The following CSMD1 variants were observed in gnomAD, a reference collection of about 807,000 sequenced individuals.
CSMD1 encodes CUB and Sushi multiple domains 1, also known as CUB and sushi domain-containing protein 1.
In CSMD1, 213 loss-of-function variants were observed where a neutral mutation model predicts 417.5. The ratio of observed to expected loss-of-function variants is 0.51; its 90% CI spans 0.46 to 0.57. The LOEUF is 0.57. Among genes scored for constraint, CSMD1 ranks in the 20% least tolerant of loss-of-function variants. The pLI is 0.00. For missense variants in CSMD1, 6,923 were observed against 4,529.7 expected, an observed-to-expected ratio of 1.53 and a Z score of -15.17; for synonymous variants, 2,862 against 1,736.8, an observed-to-expected ratio of 1.65 and a Z score of -16.11.
intron 1 of CSMD1, among the ~76,000 whole-genome samples, chr8:4,777,442 T>A (rs1227968547): frequency 6.6e-6 from 1 of 152,132 alleles, no homozygotes; most frequent in Non-Finnish European, 1.5e-5. Flanking sequence ...AGGTCACAAT[T>A]GTTAGGGACA....
At chr8:4,271,649 G>T (rs975190693) in intron 3 of CSMD1, among the ~76,000 whole-genome samples, 1 of 151,828 alleles carries the variant, frequency 6.6e-6, no homozygotes, top group Non-Finnish European at 1.5e-5. Context: ...GAAAAGAAAA[G>T]AAATGGTAAA....
intron 1 of CSMD1, among the ~76,000 whole-genome samples, chr8:4,694,830 A>C (rs1309681346): frequency 6.6e-6 from 1 of 152,046 alleles, no homozygotes; most frequent in East Asian, 1.9e-4. Context: ...ATTGACCGAG[A>C]CCTGTCTCAG....
intron 3 of CSMD1, among the ~76,000 whole-genome samples, chr8:4,251,975 G>C (rs75858810): frequency 1.3e-5 from 2 of 151,900 alleles, no homozygotes; most frequent in African/African-American, 2.4e-5. Flanking sequence ...TGGAGGTAAG[G>C]AGAAAACAGA....
chr8:4,922,195 T>A lies in CSMD1; in HGVS notation c.85+72137A>T, dbSNP rs111529750. On this transcript the variant is annotated intron_variant, in intron 1 of 69. Coordinates refer to ENST00000635120, the MANE Select transcript of CSMD1 (RefSeq NM_033225.6). ...GAAGTACTGCCTGTGTGTGCGAGTGTGTGCGTGCATGTCTGTCTGTGTTTT... is the reference window on the plus strand; with the variant it reads ...GAAGTACTGCCTGTGTGTGCGAGTGAGTGCGTGCATGTCTGTCTGTGTTTT... 9.7e-3 allele frequency among the ~76,000 whole-genome samples: 1,483 copies of A among 152,166 alleles called. 14 individuals are homozygous for A. The highest frequency in any genetic ancestry group is 0.017 in the Middle Eastern group (5 of 290).
At chr8:4,445,591 A>C (rs1563181646) in intron 2 of CSMD1, among the ~76,000 whole-genome samples, 1 of 152,142 alleles carries the variant, frequency 6.6e-6, no homozygotes. Flanking sequence ...CTGGTGTTTA[A>C]GAAAGAACTG....
intron 1 of CSMD1, among the ~76,000 whole-genome samples, chr8:4,679,088 C>G (rs774910886): frequency 6.6e-6 from 1 of 152,196 alleles, no homozygotes; most frequent in African/African-American, 2.4e-5. Flanking sequence ...CAGGTAGCCT[C>G]ACATCTGGTC....
chr8:3,763,260 C>T lies in CSMD1; in HGVS notation c.819-9218G>A, dbSNP rs117437236. 5.0e-4 allele frequency among the ~76,000 whole-genome samples: 76 copies of T among 152,202 alleles called. No homozygotes were observed. The East Asian group carries it at 0.013, about 26-fold the overall frequency. ...GATGCCAGCTAGGGTGCTTATACTT[C>T]GGATATTTTGTCTCCTCCAAATCTC... On this transcript the variant is annotated intron_variant, in intron 5 of 69. Transcript: ENST00000635120.
At chr8:3,316,546 G>C (rs945895710) in intron 23 of CSMD1, among the ~76,000 whole-genome samples, 4 of 151,798 alleles carry the variant, frequency 2.6e-5, no homozygotes, top group Non-Finnish European at 4.4e-5. Flanking sequence ...GAGAGGGTTT[G>C]AGCAGGTCTA....
intron 5 of CSMD1, among the ~76,000 whole-genome samples, chr8:3,913,174 G>C (rs1808575797): frequency 6.6e-6 from 1 of 152,096 alleles, no homozygotes; most frequent in Non-Finnish European, 1.5e-5. Flanking sequence ...GGGAGATGTT[G>C]AGTTGAGAAC....
chr8:4,183,098 A>G (rs968309447), intron 3 of CSMD1, among the ~76,000 whole-genome samples: 1 of 152,152 alleles, frequency 6.6e-6, no homozygotes, highest in Non-Finnish European at 1.5e-5. Context: ...GCGACACCCT[A>G]TATACAGAGA....
At chr8:3,766,462 T>C (rs932208064) in intron 5 of CSMD1, among the ~76,000 whole-genome samples, 2 of 152,174 alleles carry the variant, frequency 1.3e-5, no homozygotes, top group South Asian at 2.1e-4. Flanking sequence ...GACAGGCCTC[T>C]CAGGCTTGCC....
At chr8:4,466,795 T>A (rs1003703572) in intron 2 of CSMD1, among the ~76,000 whole-genome samples, 14 of 152,050 alleles carry the variant, frequency 9.2e-5, no homozygotes, top group African/African-American at 1.7e-4. Flanking sequence ...CTGAAATCCA[T>A]AGAAAAATAA....
chr8:4,708,930 A>C (rs575624326), intron 1 of CSMD1, among the ~76,000 whole-genome samples: 3 of 152,216 alleles, frequency 2.0e-5, no homozygotes, highest in Non-Finnish European at 4.4e-5. Context: ...GTGGTCATTC[A>C]CAAGCCAAAG....
At chr8:3,975,713 A>T (rs934742030) in intron 5 of CSMD1, among the ~76,000 whole-genome samples, 1 of 152,250 alleles carries the variant, frequency 6.6e-6, no homozygotes, top group African/African-American at 2.4e-5. Context: ...GTTGACAACG[A>T]CTTCATTACA....
At chr8:3,548,520 C>G (rs1798771628) in intron 10 of CSMD1, among the ~76,000 whole-genome samples, 1 of 151,878 alleles carries the variant, frequency 6.6e-6, no homozygotes, top group Admixed American at 6.6e-5. Context: ...TAGCTTAGCT[C>G]CTGCTTGGAA....
At chr8:4,322,554 G>A (rs1302759579) in intron 3 of CSMD1, among the ~76,000 whole-genome samples, 2 of 152,172 alleles carry the variant, frequency 1.3e-5, no homozygotes, top group Admixed American at 6.5e-5. Context: ...GCCCTGAAGA[G>A]AGTAAGTAAG....
intron 42 of CSMD1, among the ~76,000 whole-genome samples, chr8:3,117,775 C>G (rs905447432): frequency 6.6e-6 from 1 of 152,176 alleles, no homozygotes; most frequent in East Asian, 1.9e-4. Flanking sequence ...GAACTTGCCT[C>G]CAGCCTCTCC....
intron 26 of CSMD1, among the ~76,000 whole-genome samples, chr8:3,241,032 G>A (rs1483669614): frequency 6.7e-6 from 1 of 149,416 alleles, no homozygotes; most frequent in Non-Finnish European, 1.5e-5. Flanking sequence ...TCACCAAGGA[G>A]GGAGTAGAGG....
intron 3 of CSMD1, among the ~76,000 whole-genome samples, chr8:4,114,552 T>C (rs1802030785): frequency 4.3e-5 from 1 of 23,414 alleles, no homozygotes; most frequent in Non-Finnish European, 8.8e-5. Context: ...TCAACTCTTA[T>C]AACTTAATAA....
Sources: gnomAD v4.1 joint callset for allele counts (sites outside exome capture counted in the v4.1 genomes callset) on GRCh38, gnomAD v4.1.1 for gene constraint, MANE v1.5 for transcripts, NCBI Gene and HGNC (gene_info 2026-07-23, HGNC 2026-07-21) for gene names.